Variants in AMBRA1 observed in about 807,000 individuals in gnomAD.
AMBRA1 encodes activating molecule in BECN1-regulated autophagy protein 1.
In AMBRA1, 47 loss-of-function variants were observed where a neutral mutation model predicts 125.4. The ratio of observed to expected loss-of-function variants is 0.37; its 90% CI spans 0.30 to 0.48. AMBRA1 has a LOEUF of 0.48. AMBRA1 is among the 20% of genes least tolerant of loss of function. The pLI, the probability that AMBRA1 is intolerant of heterozygous loss-of-function variation, is 0.99. For synonymous variants in AMBRA1, 626 were observed against 655.5 expected (o/e 0.95, Z 0.69); for missense variants, 1,331 against 1,693.4 (o/e 0.79, Z 3.76).
chr11:46,584,289 C>T (rs1332948270), intron 1 of AMBRA1, among the ~76,000 whole-genome samples: 54 of 143,132 alleles, frequency 3.8e-4, no homozygotes, highest in East Asian at 6.3e-4. Flanking sequence ...AACCAAACAC[C>T]GCATGTTCTC....
intron 7 of AMBRA1, among the ~76,000 whole-genome samples, chr11:46,536,819 C>A (rs936223846): frequency 2.0e-5 from 3 of 152,204 alleles, no homozygotes; most frequent in African/African-American, 7.2e-5. Flanking sequence ...CCAATGAGGG[C>A]TTCTAACTCT....
At chr11:46,401,027 G>A (rs1264260271) in intron 17 of AMBRA1, among the ~76,000 whole-genome samples, 1 of 152,280 alleles carries the variant, frequency 6.6e-6, no homozygotes, top group Non-Finnish European at 1.5e-5. Context: ...GAAGAAAAAA[G>A]TCAACCTACG....
At chr11:46,591,880 GCT>G (rs1359559249) in intron 1 of AMBRA1, among the ~76,000 whole-genome samples, 1 of 149,962 alleles carries the variant, frequency 6.7e-6, no homozygotes, top group African/African-American at 2.5e-5. Context: ...ACAAAAAAAC[GCT>G]CTCTTACTGA....
chr11:46,535,857 T>C (rs1041302333), intron 7 of AMBRA1, among the ~76,000 whole-genome samples: 8 of 152,256 alleles, frequency 5.3e-5, no homozygotes, highest in African/African-American at 1.9e-4. Flanking sequence ...GTCATCAGTG[T>C]AAAGCCAATA....
At chr11:46,589,463 T>C (rs1303624708) in intron 1 of AMBRA1, among the ~76,000 whole-genome samples, 1 of 152,044 alleles carries the variant, frequency 6.6e-6, no homozygotes, top group East Asian at 1.9e-4. Context: ...TTTTTTGGGG[T>C]AAACCAAACC....
chr11:46,427,967 C>T (rs1459982290), intron 14 of AMBRA1, among the ~76,000 whole-genome samples: 16 of 145,508 alleles, frequency 1.1e-4, no homozygotes, highest in Admixed American at 1.1e-3. Context: ...CAAGGTTGTG[C>T]CACTGCACTC....
intron 14 of AMBRA1, among the ~76,000 whole-genome samples, chr11:46,429,488 A>ATTCTTGCTTTCTAGCTTTCTAGCT (rs1947346849): frequency 1.3e-5 from 2 of 152,100 alleles, no homozygotes. Flanking sequence ...ACTAATCCTT[A>ATTCTTGCTTTCTAGCTTTCTAGCT]TTCTTGCTTT....
chr11:46,572,281 T>C lies in AMBRA1; in HGVS notation c.-121+21547A>G, dbSNP rs188211503. 1.5e-3 allele frequency among the ~76,000 whole-genome samples: 222 copies of C among 151,970 alleles called. 1 individual carries two copies. The highest frequency in any genetic ancestry group is 4.7e-3 in the Admixed American group (72 of 15,240). On this transcript the variant is annotated intron_variant, in intron 1 of 17. Transcript: ENST00000683756. ...GTGCAACTGCACTCCAGCCTGGTGA[T>C]AGAGCGAGATTCCATCTCAAAAAAA... is the stretch of plus-strand genomic sequence containing the variant.
chr11:46,503,280 A>G (rs1364775845), intron 9 of AMBRA1, among the ~76,000 whole-genome samples: 1 of 152,092 alleles, frequency 6.6e-6, no homozygotes, highest in African/African-American at 2.4e-5. Context: ...GCCTAATTTC[A>G]ATATTGCTGT....
intron 1 of AMBRA1, among the ~76,000 whole-genome samples, chr11:46,565,321 T>A (rs1390315405): frequency 6.6e-6 from 1 of 152,146 alleles, no homozygotes; most frequent in Non-Finnish European, 1.5e-5. Context: ...TTTCCTTTTT[T>A]TTTAAATTAA....
At chr11:46,492,677 T>A (rs969313037) in intron 11 of AMBRA1, among the ~76,000 whole-genome samples, 3 of 152,274 alleles carry the variant, frequency 2.0e-5, no homozygotes, top group Middle Eastern at 3.4e-3. Context: ...CCAGAAGCAA[T>A]AGCACACACA....
chr11:46,507,615 CCCA>C (rs1259295921), intron 9 of AMBRA1, among the ~76,000 whole-genome samples: 5 of 152,190 alleles, frequency 3.3e-5, no homozygotes, highest in Admixed American at 2.0e-4. Flanking sequence ...CATTTCTCAA[CCCA>C]CCACATTAAT....
intron 11 of AMBRA1, among the ~76,000 whole-genome samples, chr11:46,469,120 G>C (rs533885687): frequency 3.9e-5 from 6 of 152,166 alleles, no homozygotes; most frequent in Non-Finnish European, 8.8e-5. Context: ...TCCAGCCTGC[G>C]TGACAACAGG....
Position 46,569,381 on chromosome 11 carries a change from C to T in AMBRA1, c.-120-20881G>A, listed in dbSNP as rs12573925. Among the ~76,000 whole-genome samples the T allele has an allele frequency of 0.011, 1,567 of 146,806 alleles. 210 individuals are homozygous for T. The East Asian group carries it at 0.26, about 24-fold the overall frequency. ...TGGGATCATATATAACACACATTAC[C>T]CTGCAGCCTACCTTTTTCACCTATT... On this transcript the variant is annotated intron_variant, in intron 1 of 17. Coordinates refer to ENST00000683756, the MANE Select transcript of AMBRA1 (RefSeq NM_001387011.1).
chr11:46,556,264 T>C (rs112246496), intron 1 of AMBRA1, among the ~76,000 whole-genome samples: 1 of 152,192 alleles, frequency 6.6e-6, no homozygotes, highest in African/African-American at 2.4e-5. Context: ...GAACCAAAGT[T>C]CAAACTGTAA....
chr11:46,585,695 AAT>A (rs1555017409), intron 1 of AMBRA1, among the ~76,000 whole-genome samples: 1,201 of 22,870 alleles, frequency 0.053, 104 homozygotes, highest in Middle Eastern at 0.18. Flanking sequence ...AAAAAAAAAA[AAT>A]ATATATATAT....
At chr11:46,431,230 C>T (rs1947443551) in intron 14 of AMBRA1, among the ~76,000 whole-genome samples, 1 of 152,208 alleles carries the variant, frequency 6.6e-6, no homozygotes, top group Non-Finnish European at 1.5e-5. Flanking sequence ...TTTCTAGGTA[C>T]TTCAGCTCCC....
Position 46,564,388 on chromosome 11 carries a change from C to T in AMBRA1, c.-120-15888G>A, listed in dbSNP as rs190608730. ...GCTAAACACTTTATCTCACTTTTTC[C>T]TCACAATGATACTATGAAGATGGGT... On this transcript the variant is annotated intron_variant, in intron 1 of 17. Coordinates refer to ENST00000683756, the MANE Select transcript of AMBRA1 (RefSeq NM_001387011.1). 2.0e-5 allele frequency among the ~76,000 whole-genome samples: 3 copies of T among 152,038 alleles called. No individual in the cohort carries two copies. In the East Asian group the frequency reaches 5.8e-4, roughly 29 times the overall value.
chr11:46,578,933 A>C (rs1172123488), intron 1 of AMBRA1, among the ~76,000 whole-genome samples: 1 of 150,006 alleles, frequency 6.7e-6, no homozygotes, highest in Non-Finnish European at 1.5e-5. Context: ...GCTTTGTCAC[A>C]ATTATACATT....
Sources: allele counts gnomAD v4.1 joint callset (sites outside exome capture counted in the v4.1 genomes callset), GRCh38; gene constraint gnomAD v4.1.1; transcripts MANE v1.5; gene names NCBI Gene and HGNC (gene_info 2026-07-23, HGNC 2026-07-21).